TRMT5: variants seen among roughly 807,000 people sequenced by gnomAD.
The protein encoded by TRMT5 is tRNA (guanine(37)-N(1))-methyltransferase.
In TRMT5, 31 loss-of-function variants were observed where a neutral mutation model predicts 42.2. The ratio of observed to expected loss-of-function variants is 0.73; its 90% CI spans 0.55 to 0.99. TRMT5 has a LOEUF of 0.99. Ranked by LOEUF, TRMT5 falls within the 50% of genes least tolerant of loss-of-function variation. TRMT5 has a pLI of 0.00. For missense variants in TRMT5, 568 were observed against 595.0 expected (o/e 0.95, Z 0.47); for synonymous variants, 198 against 209.6 (o/e 0.94, Z 0.48).
chr14:60,980,439 A>G (rs1218741517), intron 1 of TRMT5, among the ~76,000 whole-genome samples: 2 of 152,212 alleles, frequency 1.3e-5, no homozygotes, highest in Non-Finnish European at 2.9e-5. Context: ...AAGTGGCTAA[A>G]CATGGATTAA....
chr14:60,975,740 T>C lies in TRMT5; in HGVS notation c.1179A>G (p.Ile393Met). ...GCCACTTGAAAGCACTAAGAAACTC[T>C]ATAGCTTTTGCTGGCAAGTTCATGA... is the stretch of plus-strand genomic sequence containing the variant. ...HVVMNLPAKAIEFLSAFKWLL... is the reference protein window; with the variant it reads ...HVVMNLPAKAMEFLSAFKWLL... The change falls in exon 4 of 5, where the codon ATA (isoleucine) becomes ATG (methionine). Residue 393 changes from isoleucine (I) to methionine (M), a missense_variant. By Grantham distance (10) the Ile-to-Met change is conservative. Coordinates refer to ENST00000261249, the MANE Select transcript of TRMT5 (RefSeq NM_020810.3). 6.2e-7 allele frequency: 1 copy of C among 1,614,214 alleles called. No homozygotes were observed. The highest frequency in any genetic ancestry group is 8.5e-7 in the Non-Finnish European group (1 of 1,180,030).
rs920141136 is a variant in TRMT5, at chr14:60,972,960, G to C, written c.*2149C>G. 3.9e-5 allele frequency: 6 copies of C among 152,274 alleles called. No homozygotes were observed. The highest frequency in any genetic ancestry group is 1.2e-4 in the African/African-American group (5 of 41,414). The allele number at this position is 152,274 out of a possible 1,614,324, so 9.4% of individuals were successfully genotyped here. On this transcript the variant is annotated 3_prime_UTR_variant, in exon 5 of 5. Transcript: ENST00000261249. The stretch of plus-strand genomic sequence containing the variant: ...TTTAATCACTTCTTACTGAAAATTA[G>C]GTTGAATCACCTCAATTGCAGTTAA...
Position 60,975,924 on chromosome 14 carries a change from G to T in TRMT5, c.995C>A (p.Ser332Tyr), listed in dbSNP as rs375570859. 1 of 1,614,056 alleles carries T rather than the reference G, an allele frequency of 6.2e-7. No individual in the cohort carries two copies. The highest frequency in any genetic ancestry group is 1.7e-5 in the Admixed American group (1 of 60,006). Residue 332 changes from serine to tyrosine, a missense_variant, in exon 4 of 5, where the codon TCT becomes TAT. Transcript: ENST00000261249. ...ACAGTTGTACAACAGCCATTTATGAGATTCAGGATTGAGATCATTGGCAAA... is the reference window on the plus strand; with the variant it reads ...ACAGTTGTACAACAGCCATTTATGATATTCAGGATTGAGATCATTGGCAAA... ...TVFANDLNPESHKWLLYNCKL... is the reference protein window; with the variant it reads ...TVFANDLNPEYHKWLLYNCKL...
chr14:60,980,924 C>T, intron 1 of TRMT5, 39 bp downstream of exon 1: 1 of 1,612,538 alleles, frequency 6.2e-7, no homozygotes, highest in South Asian at 1.1e-5. Context: ...GCTGGTACCT[C>T]CCCTGGACCA....
At position 60,974,015 on chromosome 14, in the gene TRMT5, A is replaced by G. The variant is rs528438856; in HGVS notation, c.*1094T>C. ...ACTGTGATGAGTGGTTTGTCTGGTA[A>G]TGTCAATGGTTATTCTTTTAGCTTA... On this transcript the variant is annotated 3_prime_UTR_variant, in exon 5 of 5. Transcript: ENST00000261249. 1.3e-5 allele frequency: 2 copies of G among 152,290 alleles called. No homozygotes were observed. The highest frequency in any genetic ancestry group is 4.8e-5 in the African/African-American group (2 of 41,560). 9.4% of individuals were successfully genotyped at this position (152,290 alleles called of 1,614,324 possible).
chr14:60,975,326 T>C, intron 4 of TRMT5, 132 bp from the exon 5 acceptor site: 1 of 1,312,200 alleles, frequency 7.6e-7, no homozygotes, highest in Non-Finnish European at 1.0e-6. Flanking sequence ...AGATTTACTA[T>C]TTTAATGAAA....
In TRMT5 at chr14:60,976,064, C is replaced by G; in HGVS notation, c.855G>C (p.Leu285=). ...DFSKVYWNPR[L]STEHSRITEL... ...CTGTGATACGGCTGTGTTCTGTAGA[C>G]AGACGAGGATTCCAATAGACTTTTG... The change falls in exon 4 of 5, where the codon CTG becomes CTC. Residue 285 remains leucine, a synonymous_variant. Coordinates refer to ENST00000261249, the MANE Select transcript of TRMT5 (RefSeq NM_020810.3). 6.2e-7 allele frequency: 1 copy of G among 1,614,036 alleles called. No individual in the cohort carries two copies. Among genetic ancestry groups the G allele is most frequent in the Non-Finnish European group, 8.5e-7 (1 of 1,179,982 alleles).
Position 60,973,988 on chromosome 14 carries a change from A to G in TRMT5, c.*1121T>C, listed in dbSNP as rs2036811945. The G allele has an allele frequency of 6.6e-6, 1 of 152,196 alleles. No homozygotes were observed. Among genetic ancestry groups the G allele is most frequent in the African/African-American group, 2.4e-5 (1 of 41,438 alleles). 9.4% of individuals were successfully genotyped at this position (152,196 alleles called of 1,614,324 possible). On this transcript the variant is annotated 3_prime_UTR_variant, in exon 5 of 5. Coordinates refer to ENST00000261249, the MANE Select transcript of TRMT5 (RefSeq NM_020810.3). The stretch of plus-strand genomic sequence containing the variant: ...ACAGTTGCTTGCCTGTGAGTTGGGA[A>G]TACTGTGATGAGTGGTTTGTCTGGT...
chr14:60,980,321 T>C (rs1293506377), intron 1 of TRMT5, among the ~76,000 whole-genome samples: 1 of 152,240 alleles, frequency 6.6e-6, no homozygotes, highest in African/African-American at 2.4e-5. Flanking sequence ...CTAAATGCTT[T>C]ATGTACATTA....
At chr14:60,976,247 G>C (rs917336448) in intron 3 of TRMT5, 121 bp from the exon 4 acceptor site, 1 of 1,149,426 alleles carries the variant, frequency 8.7e-7, no homozygotes, top group Non-Finnish European at 1.2e-6. Flanking sequence ...ACTACTGTAA[G>C]AGCCAAACAA....
In TRMT5 at chr14:60,975,786, C is replaced by A. The variant is rs2036838841; in HGVS notation, c.1133G>T (p.Arg378Ile). 6.2e-7 allele frequency: 1 copy of A among 1,614,112 alleles called. No individual in the cohort carries two copies. ...LMQLLGLSKE[R>I]KPSVHVVMNL... is the part of the protein sequence containing the mutation. Reference sequence around the variant, plus strand: ...CATGACAACGTGCACAGAGGGTTTTCTTTCTTTTGACAGACCCAGCAGCTG... The same window carrying A: ...CATGACAACGTGCACAGAGGGTTTTATTTCTTTTGACAGACCCAGCAGCTG... Residue 378 changes from arginine to isoleucine, a missense_variant, in exon 4 of 5, where the codon AGA (arginine) becomes ATA (isoleucine). Coordinates refer to ENST00000261249, the MANE Select transcript of TRMT5 (RefSeq NM_020810.3).
Position 60,972,260 on chromosome 14 carries a change from A to C in TRMT5, c.*2849T>G. 1.9e-6 allele frequency: 1 copy of C among 531,134 alleles called. No individual in the cohort carries two copies. The highest frequency in any genetic ancestry group is 3.8e-6 in the Non-Finnish European group (1 of 266,364). The allele number at this position is 531,134 out of a possible 1,614,324, so 32.9% of individuals were successfully genotyped here. On this transcript the variant is annotated 3_prime_UTR_variant, in exon 5 of 5. Coordinates refer to ENST00000261249, the MANE Select transcript of TRMT5 (RefSeq NM_020810.3). Reference sequence around the variant, plus strand: ...TGCACACACTTCACTTGGGATCTCCAGCACCTTCCCGCTCCTTGCCAGCAT... The same window carrying C: ...TGCACACACTTCACTTGGGATCTCCCGCACCTTCCCGCTCCTTGCCAGCAT...
chr14:60,979,666 C>A lies in TRMT5; in HGVS notation c.232G>T (p.Asp78Tyr). 6.2e-7 allele frequency: 1 copy of A among 1,614,068 alleles called. No individual in the cohort carries two copies. Among genetic ancestry groups the A allele is most frequent in the Non-Finnish European group, 8.5e-7 (1 of 1,180,002 alleles). The change falls in exon 2 of 5, where the codon GAT (aspartate) becomes TAT (tyrosine). Residue 78 changes from aspartate to tyrosine, a missense_variant. Asp to Tyr is a radical substitution (Grantham distance 160). Coordinates refer to ENST00000261249, the MANE Select transcript of TRMT5 (RefSeq NM_020810.3). ...TCAAGTTTTGTCATGCCTCGGACATCAGAAGGTGGTGAAAACAATTCAGTC... is the reference window on the plus strand; with the variant it reads ...TCAAGTTTTGTCATGCCTCGGACATAAGAAGGTGGTGAAAACAATTCAGTC... ...RETELFSPPS[D>Y]VRGMTKLDRT...
chr14:60,980,353 TA>T (rs1206280243), intron 1 of TRMT5, among the ~76,000 whole-genome samples: 50 of 152,206 alleles, frequency 3.3e-4, no homozygotes, highest in African/African-American at 1.1e-3. Context: ...AGGTGTGCAG[TA>T]TTGCACCCTC....
Position 60,977,580 on chromosome 14 carries a change from ATTAT to A in TRMT5, c.722_725del (p.Asn241IlefsTer20). The A allele has an allele frequency of 6.2e-7, 1 of 1,611,002 alleles. No individual in the cohort carries two copies. Among genetic ancestry groups the A allele is most frequent in the Non-Finnish European group, 8.5e-7 (1 of 1,178,210 alleles). On this transcript the variant is annotated frameshift_variant, in exon 3 of 5. Transcript: ENST00000261249. LOFTEE classifies it high-confidence loss of function. ...GGAAATTTCGGTACATATTGTCAAT[ATTAT>A]TTATTTTATTTACTGCTGAGGTGAT...
chr14:60,977,428 G>T, intron 3 of TRMT5, 86 bp downstream of exon 3: 2 of 1,357,724 alleles, frequency 1.5e-6, no homozygotes, highest in Non-Finnish European at 2.0e-6. Flanking sequence ...AACACTGGAT[G>T]TTACAAGTAT....
At chr14:60,978,283 T>C (rs2036873599) in intron 2 of TRMT5, among the ~76,000 whole-genome samples, 1 of 152,234 alleles carries the variant, frequency 6.6e-6, no homozygotes, top group Admixed American at 6.5e-5. Flanking sequence ...TAAAAATCTA[T>C]ATGCTATCTC....
chr14:60,979,538 GCGCTGCAATGCTGCCCTTTTTAGGGAT>G lies in TRMT5; in HGVS notation c.333_359del (p.Ser112_Arg120del). 1 of 1,614,072 alleles carries G rather than the reference GCGCTGCAATGCTGCCCTTTTTAGGGAT, an allele frequency of 6.2e-7. No individual in the cohort carries two copies. The highest frequency in any genetic ancestry group is 1.7e-5 in the Admixed American group (1 of 60,022). Reference sequence around the variant, plus strand: ...CTTCAATCACACGTCTTATGCCTGGGCGCTGCAATGCTGCCCTTTTTAGGGATCGCATCAATTTACTGACTATTTCTT... The same window carrying G: ...CTTCAATCACACGTCTTATGCCTGGGCGCATCAATTTACTGACTATTTCTT... On this transcript the variant is annotated inframe_deletion, in exon 2 of 5. Transcript: ENST00000261249.
In TRMT5 at chr14:60,972,508, A is replaced by G. The variant is rs2036790550; in HGVS notation, c.*2601T>C. 1 of 462,572 alleles carries G rather than the reference A, an allele frequency of 2.2e-6. No homozygotes were observed. The highest frequency in any genetic ancestry group is 4.3e-6 in the Non-Finnish European group (1 of 232,950). The allele number at this position is 462,572 out of a possible 1,614,324, so 28.7% of individuals were successfully genotyped here. Reference sequence around the variant, plus strand: ...GCGGGATGTGGGCACCGGGTGTGGGACGCAGCAGCGCGCGGGCTTTGGTCG... The same window carrying G: ...GCGGGATGTGGGCACCGGGTGTGGGGCGCAGCAGCGCGCGGGCTTTGGTCG... On this transcript the variant is annotated 3_prime_UTR_variant, in exon 5 of 5. Coordinates refer to ENST00000261249, the MANE Select transcript of TRMT5 (RefSeq NM_020810.3).
Sources: allele counts gnomAD v4.1 joint callset (sites outside exome capture counted in the v4.1 genomes callset), GRCh38; gene constraint gnomAD v4.1.1; transcripts MANE v1.5; gene names NCBI Gene and HGNC (gene_info 2026-07-23, HGNC 2026-07-21).